Variants in RSAD2 observed in about 807,000 individuals in gnomAD.
RSAD2 encodes the protein S-adenosylmethionine-dependent nucleotide dehydratase RSAD2.
Under a neutral mutation model 37.7 loss-of-function variants are expected in RSAD2, and 38 were observed. The observed-to-expected ratio is 1.01, with a 90% CI of 0.78 to 1.32. The LOEUF is 1.32. Ranked by LOEUF, RSAD2 falls within the 40% of genes most tolerant of loss-of-function variation. RSAD2 has a pLI of 0.00. For missense variants in RSAD2, 428 were observed against 437.5 expected, an observed-to-expected ratio of 0.98 and a Z score of 0.19; for synonymous variants, 163 against 157.4, an observed-to-expected ratio of 1.04 and a Z score of -0.27.
chr2:6,870,190 T>G (rs1038116263), intron 1 of RSAD2, among the ~76,000 whole-genome samples: 1 of 152,216 alleles, frequency 6.6e-6, no homozygotes, highest in Admixed American at 6.5e-5. Flanking sequence ...AAAATCTCTT[T>G]CTTCCAGATT....
At chr2:6,873,361 A>G (rs868270450), upstream of RSAD2, among the ~76,000 whole-genome samples, 7 of 152,274 alleles carry the variant, frequency 4.6e-5, 1 homozygote, top group Middle Eastern at 0.01. Context: ...AGAATTCTGG[A>G]TACATTCTTT....
At chr2:6,866,655 C>T in intron 1 of RSAD2, 1 of 158,366 alleles carries the variant, frequency 6.3e-6, no homozygotes, top group Non-Finnish European at 1.4e-5. Context: ...ACAGTGTTTG[C>T]GCAGTTATTT....
chr2:6,872,584 G>A (rs1396390183), intron 1 of RSAD2, among the ~76,000 whole-genome samples: 2 of 152,250 alleles, frequency 1.3e-5, no homozygotes, highest in South Asian at 2.1e-4. Context: ...AAAGAACCTT[G>A]TGTGACACAT....
intron 1 of RSAD2, among the ~76,000 whole-genome samples, chr2:6,880,561 T>C (rs542720137): frequency 1.3e-5 from 2 of 152,190 alleles, no homozygotes; most frequent in Non-Finnish European, 2.9e-5. Flanking sequence ...CTGGGACCCA[T>C]TGTATGACAG....
At chr2:6,883,581 T>C (rs1305722638) in intron 2 of RSAD2, 49 bp downstream of exon 2, 1 of 1,601,304 alleles carries the variant, frequency 6.2e-7, no homozygotes, top group African/African-American at 1.3e-5. Flanking sequence ...CTATTTTTAT[T>C]GTTGGTTCTT....
At chr2:6,867,010 T>G (rs1663106914) in intron 1 of RSAD2, among the ~76,000 whole-genome samples, 1 of 152,244 alleles carries the variant, frequency 6.6e-6, no homozygotes. Context: ...TTATTCTTTC[T>G]CAGGAATTTC....
intron 1 of RSAD2, among the ~76,000 whole-genome samples, chr2:6,866,984 G>A (rs904387095): frequency 6.6e-6 from 1 of 152,168 alleles, no homozygotes; most frequent in African/African-American, 2.4e-5. Context: ...TTAGCTCTTT[G>A]AGAATAGAAT....
intron 5 of RSAD2, 68 bp downstream of exon 5, chr2:6,893,771 G>C (rs1006227934): frequency 1.8e-6 from 2 of 1,108,848 alleles, no homozygotes; most frequent in South Asian, 2.5e-5. Flanking sequence ...GCAGAGTTGA[G>C]TTCCATGAGC....
At chr2:6,887,235 C>A in intron 3 of RSAD2, 71 bp downstream of exon 3, 1 of 1,175,620 alleles carries the variant, frequency 8.5e-7, no homozygotes, top group Non-Finnish European at 1.2e-6. Context: ...TTCAATGAAA[C>A]TGAAAACAAT....
At chr2:6,893,590 C>A in intron 4 of RSAD2, 81 bp from the exon 5 acceptor site, 1 of 1,105,058 alleles carries the variant, frequency 9.0e-7, no homozygotes, top group Non-Finnish European at 1.4e-6. Context: ...CAATACAATG[C>A]AAACACTACA....
Position 6,878,310 on chromosome 2 carries a change from A to G in RSAD2, c.346+164A>G, listed in dbSNP as rs147856550. Among the ~76,000 whole-genome samples the G allele has an allele frequency of 2.0e-3, 308 of 152,260 alleles. 3 individuals carry two copies. The highest frequency in any genetic ancestry group is 0.014 in the Middle Eastern group (4 of 294). On this transcript the variant is annotated intron_variant, in intron 1 of 5. Coordinates refer to ENST00000382040, the MANE Select transcript of RSAD2 (RefSeq NM_080657.5). ...ATGTTGTCCTATGAGAAAATAATTC[A>G]GTGAATTTTGGAGTGGGCACCTAGT...
intron 1 of RSAD2, among the ~76,000 whole-genome samples, chr2:6,882,040 C>T (rs576011080): frequency 3.9e-5 from 6 of 152,072 alleles, no homozygotes; most frequent in Non-Finnish European, 7.4e-5. Flanking sequence ...ACAAAATGAC[C>T]CCAGAGTAAA....
At chr2:6,876,958 G>A (rs1663292352), upstream of RSAD2, 1 of 152,148 alleles carries the variant, frequency 6.6e-6, no homozygotes, top group Non-Finnish European at 1.5e-5. Context: ...CTTCCTACAG[G>A]TGTCACGAAA....
exon 1 of RSAD2, chr2:6,865,965 C>A: frequency 9.0e-7 from 1 of 1,113,258 alleles, no homozygotes; most frequent in South Asian, 1.6e-5. Context: ...CCCAGGTGCG[C>A]GGCTCCGCGG....
chr2:6,865,913 A>T (rs1268519254), exon 1 of RSAD2: 16 of 1,407,900 alleles, frequency 1.1e-5, no homozygotes, highest in Non-Finnish European at 1.5e-5. Flanking sequence ...GATGTGCGCG[A>T]TAAACGGCCG....
intron 5 of RSAD2, among the ~76,000 whole-genome samples, chr2:6,894,387 A>G (rs964242496): frequency 1.1e-4 from 17 of 152,242 alleles, no homozygotes; most frequent in Non-Finnish European, 2.1e-4. Context: ...ATGAGCTCCA[A>G]CAACCTTGAA....
intron 1 of RSAD2, among the ~76,000 whole-genome samples, chr2:6,868,629 T>C (rs574887909): frequency 4.9e-4 from 75 of 152,356 alleles, no homozygotes; most frequent in African/African-American, 1.7e-3. Flanking sequence ...AGATAAGCTC[T>C]CTCCCGCATA....
intron 2 of RSAD2, among the ~76,000 whole-genome samples, chr2:6,884,558 T>C (rs1224430538): frequency 6.6e-6 from 1 of 152,080 alleles, no homozygotes; most frequent in Non-Finnish European, 1.5e-5. Context: ...CCAATGCCCT[T>C]CCTCCAAGAT....
At chr2:6,893,545 C>G (rs1226286870) in intron 4 of RSAD2, 126 bp from the exon 5 acceptor site, 24 of 764,702 alleles carry the variant, frequency 3.1e-5, no homozygotes, top group Non-Finnish European at 5.0e-5. Flanking sequence ...ATGCCAAAGG[C>G]AACTCAAGGG....
Sources: gnomAD v4.1 joint callset for allele counts (sites outside exome capture counted in the v4.1 genomes callset) on GRCh38, gnomAD v4.1.1 for gene constraint, MANE v1.5 for transcripts, NCBI Gene and HGNC (gene_info 2026-07-23, HGNC 2026-07-21) for gene names.